CRTC1: variants seen among roughly 807,000 people sequenced by gnomAD.
CRTC1 encodes CREB-regulated transcription coactivator 1.
Under a neutral mutation model 66.1 loss-of-function variants are expected in CRTC1, and 18 were observed. That is an observed-to-expected ratio of 0.27 (90% CI 0.19 to 0.40). CRTC1 has a LOEUF of 0.40. CRTC1 is among the 10% of genes least tolerant of loss of function. The probability of loss-of-function intolerance (pLI) is 1.00; values close to 1 mark genes in which losing one functional copy is unlikely to be tolerated. For missense variants in CRTC1, 669 were observed against 887.9 expected (o/e 0.75, Z 3.13); for synonymous variants, 416 against 398.8 (o/e 1.04, Z -0.51).
At position 18,780,052 on chromosome 19, in the gene CRTC1, A is replaced by G. The variant is rs931932708; in HGVS notation, c.*2670A>G. 4 of 230,836 alleles carry G rather than the reference A, an allele frequency of 1.7e-5. No homozygotes were observed. The highest frequency in any genetic ancestry group is 3.4e-5 in the Non-Finnish European group (4 of 116,676). 14.3% of individuals were successfully genotyped at this position (230,836 alleles called of 1,614,324 possible). On this transcript the variant is annotated 3_prime_UTR_variant, in exon 14 of 14. Coordinates refer to ENST00000321949, the MANE Select transcript of CRTC1 (RefSeq NM_015321.3). Reference sequence around the variant, plus strand: ...TGAATTGCCAAGACTTTCTGAAACAAGACAGCTTAAGGGAATCAGCCTTTT... The same window carrying G: ...TGAATTGCCAAGACTTTCTGAAACAGGACAGCTTAAGGGAATCAGCCTTTT...
chr19:18,740,555 C>T (rs2054089626), intron 1 of CRTC1, among the ~76,000 whole-genome samples: 1 of 152,204 alleles, frequency 6.6e-6, no homozygotes, highest in Non-Finnish European at 1.5e-5. Flanking sequence ...CCCAAGGCCT[C>T]AGGCACACAA....
intron 1 of CRTC1, among the ~76,000 whole-genome samples, chr19:18,742,061 C>T (rs189997400): frequency 6.6e-6 from 1 of 152,306 alleles, no homozygotes; most frequent in Non-Finnish European, 1.5e-5. Flanking sequence ...TGGCTGCCTC[C>T]CCCAGTTGCA....
intron 1 of CRTC1, among the ~76,000 whole-genome samples, chr19:18,729,722 C>T (rs1259420919): frequency 6.6e-6 from 1 of 152,092 alleles, no homozygotes; most frequent in Non-Finnish European, 1.5e-5. Flanking sequence ...GTCTGGGTGA[C>T]ACAGCAAGAC....
intron 8 of CRTC1, among the ~76,000 whole-genome samples, chr19:18,763,867 A>C (rs1270855349): frequency 6.6e-6 from 1 of 152,206 alleles, no homozygotes; most frequent in East Asian, 1.9e-4. Flanking sequence ...GGACGCACGA[A>C]GTGGCGGACA....
chr19:18,756,732 A>G (rs1473556268), intron 6 of CRTC1, among the ~76,000 whole-genome samples: 9 of 152,192 alleles, frequency 5.9e-5, no homozygotes, highest in Non-Finnish European at 8.8e-5. Context: ...TTACTCAAGA[A>G]AAGGAAGATG....
rs945894244 is a variant in CRTC1 at position 18,693,479 on chromosome 19, GTTTTTGTTT to G, written c.126+9657_126+9665del. Among the ~76,000 whole-genome samples the G allele has an allele frequency of 1.1e-4, 14 of 129,704 alleles. 1 individual carries two copies. The highest frequency in any genetic ancestry group is 4.0e-4 in the African/African-American group (13 of 32,750). The allele number at this position is 129,704 out of a possible 152,430, so 85.1% of individuals were successfully genotyped here. A position where few individuals can be genotyped will look rare whatever the true frequency, so the allele number is the denominator to read the frequency against. ...TTTTACCAAGGAGCTTAACTCTTTT[GTTTTTGTTT>G]TTTTTTTTTTTGAAACAGAGTTTCT... On this transcript the variant is annotated intron_variant, in intron 1 of 13. Transcript: ENST00000321949.
chr19:18,693,088 A>G (rs2145485937), intron 1 of CRTC1, among the ~76,000 whole-genome samples: 1 of 149,220 alleles, frequency 6.7e-6, no homozygotes, highest in South Asian at 2.1e-4. Flanking sequence ...AAAAAAAAAA[A>G]AAAAAAGAAA....
intron 1 of CRTC1, among the ~76,000 whole-genome samples, chr19:18,714,325 T>C (rs1398408224): frequency 6.6e-6 from 1 of 152,136 alleles, no homozygotes; most frequent in Admixed American, 6.5e-5. Context: ...TTTTTTTTTT[T>C]GAGACGGAGT....
At chr19:18,689,323 G>T (rs1361401209) in intron 1 of CRTC1, among the ~76,000 whole-genome samples, 2 of 151,028 alleles carry the variant, frequency 1.3e-5, no homozygotes, top group Admixed American at 1.3e-4. Flanking sequence ...ACAGTGAGGC[G>T]AATCCTGCAC....
Position 18,777,384 on chromosome 19 carries a change from C to T in CRTC1, c.*2C>T, listed in dbSNP as rs762972705. 9 of 1,600,818 alleles carry T rather than the reference C, an allele frequency of 5.6e-6. No homozygotes were observed. Among genetic ancestry groups the T allele is most frequent in the South Asian group, 2.2e-5 (2 of 91,068 alleles). ...ACCTTCCGGATGGACCGCCTGTGAGCGGGCACGCCGGCACCCTGCCGCTCA... is the reference window on the plus strand; with the variant it reads ...ACCTTCCGGATGGACCGCCTGTGAGTGGGCACGCCGGCACCCTGCCGCTCA... On this transcript the variant is annotated 3_prime_UTR_variant, in exon 14 of 14. Coordinates refer to ENST00000321949, the MANE Select transcript of CRTC1 (RefSeq NM_015321.3). This position sits in a 1 kb window ranked among gnomAD's most constrained non-coding sequence, Gnocchi z 5.5.
Position 18,771,952 on chromosome 19 carries a change from A to G in CRTC1, c.1425+406A>G, listed in dbSNP as rs1490705677. ...CAGCTGAGGTGGCTGGCCCGCCCGC[A>G]GGGAAGGCGCTGACTCTGCAGCCCT... On this transcript the variant is annotated intron_variant, in intron 11 of 13. Transcript: ENST00000321949. This position sits in a 1 kb window ranked among gnomAD's most constrained non-coding sequence, Gnocchi z 4.6. 1.3e-5 allele frequency among the ~76,000 whole-genome samples: 2 copies of G among 152,116 alleles called. No homozygotes were observed. The highest frequency in any genetic ancestry group is 4.8e-5 in the African/African-American group (2 of 41,422).
In CRTC1 at chr19:18,732,948, G is replaced by A. The variant is rs550455458; in HGVS notation, c.127-9962G>A. 5.9e-5 allele frequency among the ~76,000 whole-genome samples: 9 copies of A among 151,944 alleles called. No homozygotes were observed. In the South Asian group the frequency reaches 1.2e-3, roughly 21 times the overall value. On this transcript the variant is annotated intron_variant, in intron 1 of 13. Coordinates refer to ENST00000321949, the MANE Select transcript of CRTC1 (RefSeq NM_015321.3). Reference sequence around the variant, plus strand: ...CTGAAAATAAAAAACTTAGTTGAGCGTGGTGGCGGGCACCTATAGTCCCAA... The same window carrying A: ...CTGAAAATAAAAAACTTAGTTGAGCATGGTGGCGGGCACCTATAGTCCCAA...
chr19:18,757,397 C>G (rs1191255625), intron 6 of CRTC1, among the ~76,000 whole-genome samples: 1 of 152,110 alleles, frequency 6.6e-6, no homozygotes, highest in Non-Finnish European at 1.5e-5. Flanking sequence ...TTTTCCTGGG[C>G]ACCCCCTCCC....
At chr19:18,773,532 A>G (rs1281391238) in intron 11 of CRTC1, among the ~76,000 whole-genome samples, 4 of 151,328 alleles carry the variant, frequency 2.6e-5, no homozygotes, top group African/African-American at 4.9e-5. Flanking sequence ...CCCACCCCAC[A>G]CCCCGAGCCC....
chr19:18,780,861 T>C lies in CRTC1; in HGVS notation c.*3479T>C, dbSNP rs572982076. On this transcript the variant is annotated 3_prime_UTR_variant, in exon 14 of 14. Transcript: ENST00000321949. ...GCCTGAACAGCCTTGGCAGGACCCG[T>C]CCCTAGAGGGGGCTCTGGTGCCTCC... 3 of 222,740 alleles carry C rather than the reference T, an allele frequency of 1.3e-5. No homozygotes were observed. Among genetic ancestry groups the C allele is most frequent in the Non-Finnish European group, 2.7e-5 (3 of 111,450 alleles). 13.8% of individuals were successfully genotyped at this position (222,740 alleles called of 1,614,324 possible).
At chr19:18,723,927 C>G (rs954864080) in intron 1 of CRTC1, among the ~76,000 whole-genome samples, 2 of 152,172 alleles carry the variant, frequency 1.3e-5, no homozygotes, top group Non-Finnish European at 2.9e-5. Flanking sequence ...TTGGAGCCTC[C>G]GGGAGGGAGG....
chr19:18,732,743 T>C (rs543611053), intron 1 of CRTC1, among the ~76,000 whole-genome samples: 2 of 152,102 alleles, frequency 1.3e-5, no homozygotes, highest in Admixed American at 6.5e-5. Flanking sequence ...GGTTTGCCTC[T>C]GGGGGAAGGA....
intron 1 of CRTC1, among the ~76,000 whole-genome samples, chr19:18,725,879 G>A (rs967327496): frequency 1.3e-5 from 2 of 152,206 alleles, no homozygotes; most frequent in African/African-American, 2.4e-5. Flanking sequence ...TTCCGGGGCT[G>A]CCGGTCACCC....
rs2145809395 is a variant in CRTC1, at chr19:18,760,693, T to G, written c.886+465T>G. ...CTCCAGCTCCACACTCCTTTCTTCC[T>G]CAGCCACATCCACAGGGACGTCGCA... On this transcript the variant is annotated intron_variant, in intron 8 of 13. Coordinates refer to ENST00000321949, the MANE Select transcript of CRTC1 (RefSeq NM_015321.3). This position sits in a 1 kb window ranked among gnomAD's most constrained non-coding sequence, Gnocchi z 6.2. 1.3e-5 allele frequency among the ~76,000 whole-genome samples: 2 copies of G among 151,692 alleles called. No homozygotes were observed. Among genetic ancestry groups the G allele is most frequent in the Middle Eastern group, 3.4e-3 (1 of 294 alleles).
Sources: gnomAD v4.1 joint callset for allele counts (sites outside exome capture counted in the v4.1 genomes callset) on GRCh38, gnomAD v4.1.1 for gene constraint, Gnocchi (gnomAD v3.1) non-coding constraint, MANE v1.5 for transcripts, NCBI Gene and HGNC (gene_info 2026-07-23, HGNC 2026-07-21) for gene names.